Variants in MTIF3 observed in about 807,000 individuals in gnomAD.
The protein encoded by MTIF3 is mitochondrial translational initiation factor 3.
Under a neutral mutation model 20.7 loss-of-function variants are expected in MTIF3, and 13 were observed. That is an observed-to-expected ratio of 0.63 (90% confidence interval 0.41 to 1.00). The LOEUF is 1.00. Ranked by LOEUF, MTIF3 falls within the 50% of genes least tolerant of loss-of-function variation. The probability of loss-of-function intolerance (pLI) is 0.00; values close to 1 mark genes in which losing one functional copy is unlikely to be tolerated. For synonymous variants in MTIF3, 114 were observed against 112.5 expected (o/e 1.01, Z -0.08); for missense variants, 295 against 324.5 (o/e 0.91, Z 0.70).
chr13:27,442,463 C>A (rs1366380145), intron 2 of MTIF3, among the ~76,000 whole-genome samples: 1 of 152,192 alleles, frequency 6.6e-6, no homozygotes, highest in South Asian at 2.1e-4. Flanking sequence ...CAGAGCAATC[C>A]TTAAAAATGC....
chr13:27,449,305 C>T (rs541048774), intron 1 of MTIF3, among the ~76,000 whole-genome samples: 27 of 152,316 alleles, frequency 1.8e-4, no homozygotes, highest in African/African-American at 6.3e-4. Context: ...CGTTTGGATT[C>T]CTGCCAGTCT....
chr13:27,440,498 T>C (rs1242658554), intron 2 of MTIF3, 49 bp from the exon 3 acceptor site: 1 of 1,429,432 alleles, frequency 7.0e-7, no homozygotes, highest in Non-Finnish European at 9.5e-7. Context: ...ACTTATTCCC[T>C]TGGTCTGACA....
At chr13:27,439,262 G>A (rs182623342) in intron 3 of MTIF3, among the ~76,000 whole-genome samples, 10 of 152,204 alleles carry the variant, frequency 6.6e-5, no homozygotes, top group African/African-American at 1.9e-4. Context: ...TTGGGAGGCC[G>A]AGGAGGGCAG....
Position 27,440,318 on chromosome 13 carries a change from G to C in MTIF3, c.131C>G (p.Pro44Arg), listed in dbSNP as rs1953961230. ...TGCATGAATTAGGAAGGAGAGTCTT[G>C]GGGCAGAAGCAATAGGGGACAACTG... The part of the protein sequence containing the change: ...PAQLSPIASA[P>R]RLSFLIHAKA... Residue 44 changes from proline to arginine, a missense_variant, in exon 3 of 5, where the codon CCA becomes CGA. Physicochemically the swap from Pro to Arg is moderately radical, Grantham distance 103 (BLOSUM62 -2). Coordinates refer to ENST00000381120, the MANE Select transcript of MTIF3 (RefSeq NM_152912.5). 2 of 1,614,036 alleles carry C rather than the reference G, an allele frequency of 1.2e-6. No individual in the cohort carries two copies. Among genetic ancestry groups the C allele is most frequent in the Admixed American group, 1.7e-5 (1 of 60,000 alleles).
intron 1 of MTIF3, among the ~76,000 whole-genome samples, chr13:27,447,218 T>G (rs201569052): frequency 4.3e-5 from 2 of 46,316 alleles, no homozygotes; most frequent in Admixed American, 2.1e-4. Context: ...AAAAAAAAGA[T>G]GAACTTTAAG....
chr13:27,448,404 G>A (rs1858044592), intron 1 of MTIF3, among the ~76,000 whole-genome samples: 1 of 152,172 alleles, frequency 6.6e-6, no homozygotes, highest in South Asian at 2.1e-4. Flanking sequence ...TTCCAAAGAA[G>A]TTTCATAAAG....
At chr13:27,448,974 G>A (rs1317187669) in intron 1 of MTIF3, among the ~76,000 whole-genome samples, 1 of 118,496 alleles carries the variant, frequency 8.4e-6, no homozygotes, top group African/African-American at 3.3e-5. Context: ...CCGGGAAGCA[G>A]AGGTTGCAAT....
intron 4 of MTIF3, among the ~76,000 whole-genome samples, chr13:27,436,745 ATTTTTTTT>A (rs66903644): frequency 3.3e-5 from 3 of 90,192 alleles, no homozygotes; most frequent in Non-Finnish European, 6.0e-5. Context: ...ATTTTCTACA[ATTTTTTTT>A]TTTTTTTTTT....
Position 27,437,222 on chromosome 13 carries a change from T to C in MTIF3, c.512A>G (p.Asp171Gly). The C allele has an allele frequency of 1.9e-6, 3 of 1,614,092 alleles. No homozygotes were observed. Among genetic ancestry groups the C allele is most frequent in the African/African-American group, 2.7e-5 (2 of 75,062 alleles). The change falls in exon 4 of 5, where the codon GAT (aspartate) becomes GGT (glycine). Residue 171 changes from aspartate to glycine, a missense_variant. By Grantham distance (94) the Asp-to-Gly change is moderately conservative. Transcript: ENST00000381120. ...AATCTGTTTAGTCTTTGTGTCCAAA[T>C]CATGTTGTCCAATATTTGAAGACAA... ...LILSSNIGQH[D>G]LDTKTKQIQQ...
rs777408270 is a variant in MTIF3 at position 27,437,113 on chromosome 13, T to TA, written c.618+2dup. On this transcript the variant is annotated splice_region_variant and intron_variant, in intron 4 of 4. Transcript: ENST00000381120. ...AGCAGTGGCTTGTACCTTCTTTACT[T>TA]ACCATTTCATTTTCTGACACGTCTA... The TA allele has an allele frequency of 6.2e-7, 1 of 1,613,276 alleles. No individual in the cohort carries two copies. Among genetic ancestry groups the TA allele is most frequent in the Non-Finnish European group, 8.5e-7 (1 of 1,179,698 alleles).
chr13:27,449,584 T>C (rs1397184261), intron 1 of MTIF3, among the ~76,000 whole-genome samples: 2 of 152,206 alleles, frequency 1.3e-5, no homozygotes, highest in African/African-American at 4.8e-5. Flanking sequence ...AAGCCAGTTC[T>C]CCCATCCCTC....
chr13:27,442,215 C>T (rs1453750782), intron 2 of MTIF3, among the ~76,000 whole-genome samples: 6 of 152,196 alleles, frequency 3.9e-5, no homozygotes, highest in Non-Finnish European at 7.3e-5. Flanking sequence ...CTTCTGGTTG[C>T]TCAGGCCAAA....
intron 2 of MTIF3, among the ~76,000 whole-genome samples, chr13:27,444,551 T>C (rs909663595): frequency 2.6e-5 from 4 of 152,218 alleles, no homozygotes; most frequent in Non-Finnish European, 2.9e-5. Flanking sequence ...CAACCTGTAA[T>C]ATTACATTTA....
rs76665054 is a variant in MTIF3 at position 27,436,409 on chromosome 13, T to A, written c.619-516A>T. Among the ~76,000 whole-genome samples, 81 of 143,218 alleles carry A rather than the reference T, an allele frequency of 5.7e-4. No homozygotes were observed. The East Asian group carries it at 5.7e-3, about 10-fold the overall frequency. 94.0% of individuals were successfully genotyped at this position (143,218 alleles called of 152,430 possible). A position where few individuals can be genotyped will look rare whatever the true frequency, so the allele number is the denominator to read the frequency against. Reference sequence around the variant, plus strand: ...GTGGATGATAAAGTTATCTAACTTTTAAAAAAAAAAAGCAAAATAGGTATT... The same window carrying A: ...GTGGATGATAAAGTTATCTAACTTTAAAAAAAAAAAAGCAAAATAGGTATT... On this transcript the variant is annotated intron_variant, in intron 4 of 4. Coordinates refer to ENST00000381120, the MANE Select transcript of MTIF3 (RefSeq NM_152912.5).
chr13:27,442,702 C>T lies in MTIF3; in HGVS notation c.-1-2253G>A, dbSNP rs148336544. Among the ~76,000 whole-genome samples, 353 of 152,270 alleles carry T rather than the reference C, an allele frequency of 2.3e-3. 1 individual carries two copies. Among genetic ancestry groups the T allele is most frequent in the African/African-American group, 8.1e-3 (335 of 41,556 alleles). ...CCTGCAACACTCTTCCCTCAGATAG[C>T]CTCATGGTTCATTTACCTCGTCTCT... On this transcript the variant is annotated intron_variant, in intron 2 of 4. Coordinates refer to ENST00000381120, the MANE Select transcript of MTIF3 (RefSeq NM_152912.5).
At chr13:27,448,634 AT>A (rs58679082) in intron 1 of MTIF3, among the ~76,000 whole-genome samples, 5,009 of 152,328 alleles carry the variant, frequency 0.033, 269 homozygotes, top group African/African-American at 0.11. Context: ...AAAAGCCAAC[AT>A]TATATCTTTG....
chr13:27,448,335 C>G (rs866570052), intron 1 of MTIF3, among the ~76,000 whole-genome samples: 1 of 152,320 alleles, frequency 6.6e-6, no homozygotes, highest in African/African-American at 2.4e-5. Flanking sequence ...TTCTAGCGGA[C>G]TAAATATTTG....
At chr13:27,436,577 CAAT>C (rs1953763159) in intron 4 of MTIF3, among the ~76,000 whole-genome samples, 2 of 151,928 alleles carry the variant, frequency 1.3e-5, no homozygotes, top group Admixed American at 1.3e-4. Context: ...ATTTATAAAA[CAAT>C]AGTATATTGC....
intron 2 of MTIF3, among the ~76,000 whole-genome samples, chr13:27,442,348 C>T (rs932803698): frequency 6.6e-5 from 10 of 152,198 alleles, no homozygotes; most frequent in Non-Finnish European, 1.2e-4. Flanking sequence ...CAAACCGCCG[C>T]GCCGCTCAAC....
Sources: allele counts gnomAD v4.1 joint callset (sites outside exome capture counted in the v4.1 genomes callset), GRCh38; gene constraint gnomAD v4.1.1; transcripts MANE v1.5; gene names NCBI Gene and HGNC (gene_info 2026-07-23, HGNC 2026-07-21).